The following SOX5 variants were observed in gnomAD, a reference collection of about 807,000 sequenced individuals.
SOX5 encodes SRY-box transcription factor 5.
In SOX5, 9 loss-of-function variants were observed where a neutral mutation model predicts 92.0. The ratio of observed to expected loss-of-function variants is 0.10; its 90% CI spans 0.06 to 0.17. SOX5 has a LOEUF of 0.17. Among genes scored for constraint, SOX5 ranks in the 10% least tolerant of loss-of-function variants. SOX5 has a pLI of 1.00. For synonymous variants in SOX5, 344 were observed against 336.3 expected, an observed-to-expected ratio of 1.02 and a Z score of -0.25; for missense variants, 642 against 944.5, an observed-to-expected ratio of 0.68 and a Z score of 4.20.
chr12:24,522,195 A>C (rs1950322424), intron 1 of SOX5, among the ~76,000 whole-genome samples: 1 of 151,992 alleles, frequency 6.6e-6, no homozygotes, highest in African/African-American at 2.4e-5. Context: ...ACTCCTAGAA[A>C]TATGAGACTT....
intron 6 of SOX5, among the ~76,000 whole-genome samples, chr12:23,713,300 C>T (rs1241844720): frequency 6.6e-6 from 1 of 152,178 alleles, no homozygotes; most frequent in Non-Finnish European, 1.5e-5. Flanking sequence ...ACCCTATCAA[C>T]AACTTGATTT....
chr12:23,674,841 A>C (rs951227651), intron 6 of SOX5, among the ~76,000 whole-genome samples: 5 of 152,006 alleles, frequency 3.3e-5, no homozygotes, highest in South Asian at 2.1e-4. Flanking sequence ...ACTATATATT[A>C]CTTTAACCAT....
chr12:24,188,698 A>T (rs12300352), intron 4 of SOX5, among the ~76,000 whole-genome samples: 1 of 152,156 alleles, frequency 6.6e-6, no homozygotes, highest in Non-Finnish European at 1.5e-5. Context: ...CATCAGACTT[A>T]TAAGTTTAGA....
intron 1 of SOX5, among the ~76,000 whole-genome samples, chr12:23,942,166 CT>C (rs1301708920): frequency 6.6e-6 from 1 of 151,674 alleles, no homozygotes; most frequent in African/African-American, 2.4e-5. Flanking sequence ...TAAAGTATTA[CT>C]TTTTTATCTT....
intron 3 of SOX5, among the ~76,000 whole-genome samples, chr12:23,806,289 A>G (rs1327081422): frequency 1.3e-5 from 2 of 152,204 alleles, no homozygotes. Context: ...AGAAAGCATT[A>G]GGACAAGAAT....
intron 2 of SOX5, among the ~76,000 whole-genome samples, chr12:24,307,515 A>AAGGC (rs57403629): frequency 0.016 from 380 of 24,476 alleles, 96 homozygotes; most frequent in African/African-American, 0.027. Flanking sequence ...GGAAGGAAGG[A>AAGGC]AGGCCGGCCC....
At chr12:23,925,889 A>G (rs1939806272) in intron 1 of SOX5, among the ~76,000 whole-genome samples, 1 of 152,076 alleles carries the variant, frequency 6.6e-6, no homozygotes, top group Non-Finnish European at 1.5e-5. Flanking sequence ...ATGATAAATA[A>G]AATATCTCAC....
chr12:24,117,849 A>C (rs1429352782), intron 4 of SOX5, among the ~76,000 whole-genome samples: 1 of 151,730 alleles, frequency 6.6e-6, no homozygotes, highest in Admixed American at 6.6e-5. Flanking sequence ...GTGAAACCCT[A>C]TCTCTACTAA....
intron 1 of SOX5, among the ~76,000 whole-genome samples, chr12:24,534,569 C>G (rs1337986016): frequency 2.6e-5 from 4 of 152,268 alleles, no homozygotes; most frequent in Non-Finnish European, 5.9e-5. Context: ...TAACTAGAGA[C>G]TCTTAAAACC....
intron 1 of SOX5, among the ~76,000 whole-genome samples, chr12:24,456,885 T>C (rs1250344116): frequency 6.6e-6 from 1 of 152,216 alleles, no homozygotes; most frequent in East Asian, 1.9e-4. Context: ...CATGATTTCA[T>C]AGTGCCAAAA....
At position 23,607,004 on chromosome 12, in the gene SOX5, C is replaced by A. The variant is rs566793423; in HGVS notation, c.1018-2471G>T. ...TTATGATGAGAATTTCATAAACCTG[C>A]TATTCAGTTCGAGGATGGCTAACAT... On this transcript the variant is annotated intron_variant, in intron 8 of 14. Coordinates refer to ENST00000451604, the MANE Select transcript of SOX5 (RefSeq NM_006940.6). 1.9e-4 allele frequency among the ~76,000 whole-genome samples: 29 copies of A among 152,280 alleles called. No homozygotes were observed. The South Asian group carries it at 6.0e-3, about 32-fold the overall frequency.
chr12:23,691,310 G>T (rs909996182), intron 6 of SOX5, among the ~76,000 whole-genome samples: 16 of 152,158 alleles, frequency 1.1e-4, no homozygotes, highest in African/African-American at 3.6e-4. Context: ...CACAATTCTA[G>T]CCTTTAAATT....
At chr12:23,770,183 T>G (rs989678081) in intron 3 of SOX5, among the ~76,000 whole-genome samples, 2 of 151,900 alleles carry the variant, frequency 1.3e-5, no homozygotes, top group Non-Finnish European at 2.9e-5. Context: ...CCCCTATCCG[T>G]GGCAGAAACT....
intron 2 of SOX5, among the ~76,000 whole-genome samples, chr12:24,283,419 C>G (rs1945456273): frequency 6.6e-6 from 1 of 152,158 alleles, no homozygotes; most frequent in South Asian, 2.1e-4. Flanking sequence ...GTTGGAAGGC[C>G]AGGACTGTTG....
rs186717481 is a variant in SOX5, at chr12:24,432,790, G to C, written c.-250-64151C>G. Among the ~76,000 whole-genome samples, 12 of 152,244 alleles carry C rather than the reference G, an allele frequency of 7.9e-5. No individual in the cohort carries two copies. The East Asian group carries it at 2.1e-3, about 27-fold the overall frequency. On this transcript the variant is annotated intron_variant, in intron 1 of 4. Transcript: ENST00000446891. Reference sequence around the variant, plus strand: ...TCGCACCACTGCACTCCAGCCTGGTGACAGAGCGAGACTGTCTAAAAAAAA... The same window carrying C: ...TCGCACCACTGCACTCCAGCCTGGTCACAGAGCGAGACTGTCTAAAAAAAA...
intron 1 of SOX5, among the ~76,000 whole-genome samples, chr12:23,905,196 C>T (rs1402763863): frequency 6.6e-6 from 1 of 152,052 alleles, no homozygotes; most frequent in African/African-American, 2.4e-5. Flanking sequence ...TTGTTAATTC[C>T]ACTTCCACTG....
At chr12:24,326,475 T>C (rs1748961880) in intron 2 of SOX5, among the ~76,000 whole-genome samples, 2 of 152,068 alleles carry the variant, frequency 1.3e-5, no homozygotes, top group Admixed American at 6.6e-5. Context: ...TATCTATCCC[T>C]ACTAGACTGT....
intron 3 of SOX5, among the ~76,000 whole-genome samples, chr12:23,828,087 C>G (rs982455359): frequency 6.6e-6 from 1 of 152,196 alleles, no homozygotes; most frequent in Non-Finnish European, 1.5e-5. Context: ...GATTATAATA[C>G]CATATTTCTA....
intron 4 of SOX5, among the ~76,000 whole-genome samples, chr12:24,175,127 ACTG>A (rs1954663292): frequency 6.6e-6 from 1 of 152,250 alleles, no homozygotes; most frequent in Non-Finnish European, 1.5e-5. Flanking sequence ...TTGGAATCAT[ACTG>A]TACATGGCAA....
Sources: allele counts gnomAD v4.1 joint callset (sites outside exome capture counted in the v4.1 genomes callset), GRCh38; gene constraint gnomAD v4.1.1; transcripts MANE v1.5; gene names NCBI Gene and HGNC (gene_info 2026-07-23, HGNC 2026-07-21).